The following ABCG8 variants were observed in gnomAD, a reference collection of about 807,000 sequenced individuals.
ABCG8 encodes the protein ATP binding cassette subfamily G member 8, also known as ATP-binding cassette sub-family G member 8.
Under a neutral mutation model 71.3 loss-of-function variants are expected in ABCG8, and 81 were observed. That is an observed-to-expected ratio of 1.14 (90% confidence interval 0.95 to 1.37). The LOEUF (loss-of-function observed/expected upper bound fraction) is 1.37. ABCG8 is among the 40% of genes most tolerant of loss of function. The pLI is 0.00. For synonymous variants in ABCG8, 451 were observed against 354.7 expected, an observed-to-expected ratio of 1.27 and a Z score of -3.05; for missense variants, 1,119 against 866.2, an observed-to-expected ratio of 1.29 and a Z score of -3.66.
In ABCG8 at chr2:43,872,495, G is replaced by A. The variant is rs41281461; in HGVS notation, c.1211+189G>A. Reference sequence around the variant, plus strand: ...CCAGCACTCTGGGAGGCTGTGGTGCGTGGATCACTTAAGTTCAGGAGTTCG... The same window carrying A: ...CCAGCACTCTGGGAGGCTGTGGTGCATGGATCACTTAAGTTCAGGAGTTCG... On this transcript the variant is annotated intron_variant, in intron 8 of 12. Coordinates refer to ENST00000272286, the MANE Select transcript of ABCG8 (RefSeq NM_022437.3). Among the ~76,000 whole-genome samples, 8,159 of 152,256 alleles carry A rather than the reference G, an allele frequency of 0.054. 270 individuals carry two copies. Among genetic ancestry groups the A allele is most frequent in the Middle Eastern group, 0.11 (33 of 294 alleles).
intron 1 of ABCG8, among the ~76,000 whole-genome samples, chr2:43,840,934 A>G (rs1176916568): frequency 1.3e-5 from 2 of 152,160 alleles, no homozygotes; most frequent in Non-Finnish European, 2.9e-5. Flanking sequence ...GACCCTGGGG[A>G]TGGACTTGGG....
intron 6 of ABCG8, among the ~76,000 whole-genome samples, chr2:43,867,607 A>C (rs978400385): frequency 5.9e-5 from 9 of 152,100 alleles, no homozygotes; most frequent in Non-Finnish European, 1.2e-4. Context: ...GTCTGGATAG[A>C]ATTCTCAATC....
chr2:43,873,821 A>T lies in ABCG8; in HGVS notation c.1246A>T (p.Thr416Ser). The T allele has an allele frequency of 6.2e-7, 1 of 1,613,846 alleles. No individual in the cohort carries two copies. Among genetic ancestry groups the T allele is most frequent in the South Asian group, 1.1e-5 (1 of 91,046 alleles). ...QISNDFRDLP[T>S]LLIHGAEACL... The stretch of plus-strand genomic sequence containing the variant: ...TTCCAACGACTTCCGAGACCTGCCC[A>T]CCCTCCTCATCCATGGGGCGGAGGC... Residue 416 changes from threonine to serine, a missense_variant, in exon 9 of 13, where the codon ACC (threonine) becomes TCC (serine). Thr to Ser is a moderately conservative substitution (Grantham distance 58, BLOSUM62 1). Coordinates refer to ENST00000272286, the MANE Select transcript of ABCG8 (RefSeq NM_022437.3).
In ABCG8 at chr2:43,877,367, G is replaced by A. The variant is rs368763922; in HGVS notation, c.1757-194G>A. On this transcript the variant is annotated intron_variant, in intron 11 of 12. Coordinates refer to ENST00000272286, the MANE Select transcript of ABCG8 (RefSeq NM_022437.3). ...TCGTGGGAATATGGGGAGATCGTGC[G>A]AATATGGGGAGCCCATGGGAATATG... Among the ~76,000 whole-genome samples, 13 of 150,464 alleles carry A rather than the reference G, an allele frequency of 8.6e-5. No homozygotes were observed. In the South Asian group the frequency reaches 1.3e-3, roughly 15 times the overall value.
rs760447217 is a variant in ABCG8, at chr2:43,875,269, G to A, written c.1612G>A (p.Val538Met). Residue 538 changes from valine to methionine, a missense_variant, in exon 11 of 13, where the codon GTG becomes ATG. Val to Met is a conservative substitution (Grantham distance 21). Coordinates refer to ENST00000272286, the MANE Select transcript of ABCG8 (RefSeq NM_022437.3). The stretch of plus-strand genomic sequence containing the variant: ...GCTGCACTTCCTGCTGGTGTGGCTG[G>A]TGGTCTTCTGTTGCAGGATTATGGC... ...FLLHFLLVWL[V>M]VFCCRIMALA... 1.2e-6 allele frequency: 2 copies of A among 1,614,188 alleles called. No homozygotes were observed. Among genetic ancestry groups the A allele is most frequent in the Admixed American group, 1.7e-5 (1 of 60,030 alleles).
intron 11 of ABCG8, among the ~76,000 whole-genome samples, chr2:43,876,243 C>T (rs1669954895): frequency 6.6e-6 from 1 of 152,188 alleles, no homozygotes; most frequent in East Asian, 1.9e-4. Flanking sequence ...CTCCCTCGGC[C>T]CCAGTCCATG....
At chr2:43,839,403 CTTTTTTTTTTTTTTTTTTTTTTTTTTTT>C (rs537784677) in intron 1 of ABCG8, among the ~76,000 whole-genome samples, 8 of 59,296 alleles carry the variant, frequency 1.3e-4, no homozygotes, top group Admixed American at 2.9e-4. Context: ...CTTTTCTTCT[CTTTTTTTTTTTTTTTTTTTTTTTTTTTT>C]TTTTTTTTTT....
Position 43,875,135 on chromosome 2 carries a change from G to A in ABCG8, c.1489-11G>A. ...CTGGCTTCATATCCTTGCAAGGGCT[G>A]TTCTTTGCAGATCCTCGGGGAGCTT... On this transcript the variant is annotated splice_polypyrimidine_tract_variant and intron_variant, in intron 10 of 12. Coordinates refer to ENST00000272286, the MANE Select transcript of ABCG8 (RefSeq NM_022437.3). The A allele has an allele frequency of 6.2e-7, 1 of 1,614,212 alleles. No homozygotes were observed. The highest frequency in any genetic ancestry group is 8.5e-7 in the Non-Finnish European group (1 of 1,180,058).
chr2:43,872,225 G>A lies in ABCG8; in HGVS notation c.1130G>A (p.Ser377Asn), dbSNP rs745663864. Residue 377 changes from serine (S) to asparagine (N), a missense_variant and splice_region_variant, in exon 8 of 13, where the codon AGC (serine) becomes AAC (asparagine). By Grantham distance (46) the Ser-to-Asn change is conservative. Coordinates refer to ENST00000272286, the MANE Select transcript of ABCG8 (RefSeq NM_022437.3). ...DLDEDTCVES[S>N]VTPLDTNCLP... is the part of the protein sequence containing the mutation. Reference sequence around the variant, plus strand: ...TGGCCACATCTTCTGCCTCCCAGCAGCGTGACCCCACTAGACACCAACTGC... The same window carrying A: ...TGGCCACATCTTCTGCCTCCCAGCAACGTGACCCCACTAGACACCAACTGC... 1.2e-6 allele frequency: 2 copies of A among 1,614,012 alleles called. No individual in the cohort carries two copies. Among genetic ancestry groups the A allele is most frequent in the South Asian group, 1.1e-5 (1 of 91,078 alleles).
chr2:43,873,647 C>A, intron 8 of ABCG8, 140 bp from the exon 9 acceptor site: 1 of 801,798 alleles, frequency 1.2e-6, no homozygotes, highest in Non-Finnish European at 2.1e-6. Flanking sequence ...ATTTAATCCT[C>A]AGAGCCACTC....
At chr2:43,844,362 A>T in intron 1 of ABCG8, 145 bp from the exon 2 acceptor site, 3 of 689,992 alleles carry the variant, frequency 4.3e-6, no homozygotes, top group Admixed American at 2.1e-5. Context: ...CTGAGGTTCC[A>T]CCTGTGCAAT....
rs191608132 is a variant in ABCG8, at chr2:43,865,262, A to G, written c.965-6714A>G. Among the ~76,000 whole-genome samples the G allele has an allele frequency of 1.1e-3, 154 of 142,440 alleles. 5 individuals are homozygous for G. The highest frequency in any genetic ancestry group is 3.9e-3 in the African/African-American group (148 of 37,632). The allele number at this position is 142,440 out of a possible 152,430, so 93.4% of individuals were successfully genotyped here. On this transcript the variant is annotated intron_variant, in intron 6 of 12. Coordinates refer to ENST00000272286, the MANE Select transcript of ABCG8 (RefSeq NM_022437.3). The stretch of plus-strand genomic sequence containing the variant: ...TATCTGTCTAGGTACAATTCTCATC[A>G]TCTGCTTAGAGCTCTCACTATCTGG...
At chr2:43,874,533 GTAAGTGT>G in intron 10 of ABCG8, 50 bp downstream of exon 10, 4 of 1,480,806 alleles carry the variant, frequency 2.7e-6, no homozygotes, top group Non-Finnish European at 3.8e-6. Flanking sequence ...CAGGGTGGGG[GTAAGTGT>G]GGAGAAAACG....
chr2:43,877,703 C>A lies in ABCG8; in HGVS notation c.1884+15C>A. 6.2e-7 allele frequency: 1 copy of A among 1,614,086 alleles called. No individual in the cohort carries two copies. Among genetic ancestry groups the A allele is most frequent in the Non-Finnish European group, 8.5e-7 (1 of 1,179,994 alleles). ...CAGGAGATAAAGTAAGCGGGGAAGG[C>A]CTCGGGTTCTAAATTATTGGACGTC... On this transcript the variant is annotated intron_variant, in intron 12 of 12. Coordinates refer to ENST00000272286, the MANE Select transcript of ABCG8 (RefSeq NM_022437.3).
rs925070451 is a variant in ABCG8 at position 43,879,388 on chromosome 2, A to G, written c.*1475A>G. 10 of 152,264 alleles carry G rather than the reference A, an allele frequency of 6.6e-5. No homozygotes were observed. Among genetic ancestry groups the G allele is most frequent in the Non-Finnish European group, 8.8e-5 (6 of 68,062 alleles). 9.4% of individuals were successfully genotyped at this position (152,264 alleles called of 1,614,324 possible). ...CTACTCCAAGTACGATCCCTGGGCC[A>G]GCAGAATGGGCACAGCTGGAGCTGA... On this transcript the variant is annotated 3_prime_UTR_variant, in exon 13 of 13. Transcript: ENST00000272286.
At chr2:43,873,155 C>T (rs1669838994) in intron 8 of ABCG8, among the ~76,000 whole-genome samples, 1 of 151,708 alleles carries the variant, frequency 6.6e-6, no homozygotes, top group Admixed American at 6.6e-5. Context: ...TTTGCTACTA[C>T]AAGCAATGAG....
At chr2:43,854,219 G>T (rs550190343) in intron 6 of ABCG8, among the ~76,000 whole-genome samples, 3 of 152,330 alleles carry the variant, frequency 2.0e-5, no homozygotes, top group Admixed American at 6.5e-5. Context: ...GCTACACGGG[G>T]CCTGGGTTAC....
At chr2:43,863,751 T>C (rs1439916249) in intron 6 of ABCG8, among the ~76,000 whole-genome samples, 1 of 151,586 alleles carries the variant, frequency 6.6e-6, no homozygotes, top group African/African-American at 2.4e-5. Flanking sequence ...TCTGTCTGGA[T>C]AGAACTCTTA....
At chr2:43,847,193 T>A (rs1197374854) in intron 3 of ABCG8, 1 of 152,248 alleles carries the variant, frequency 6.6e-6, no homozygotes, top group African/African-American at 2.4e-5. Flanking sequence ...GAGCATTTTA[T>A]ATCTTTTAAT....
Sources: allele counts gnomAD v4.1 joint callset (sites outside exome capture counted in the v4.1 genomes callset), GRCh38; gene constraint gnomAD v4.1.1; transcripts MANE v1.5; gene names NCBI Gene and HGNC (gene_info 2026-07-23, HGNC 2026-07-21).